ACAD10: variants seen among roughly 807,000 people sequenced by gnomAD.
The protein encoded by ACAD10 is ACAD-10.
Under a neutral mutation model 116.8 loss-of-function variants are expected in ACAD10, and 112 were observed. That is an observed-to-expected ratio of 0.96 (90% confidence interval 0.82 to 1.12). The LOEUF (loss-of-function observed/expected upper bound fraction) is 1.12, where lower values mean the gene tolerates loss of function less well. ACAD10 is among the 50% of genes most tolerant of loss of function. ACAD10 has a pLI of 0.00. For missense variants in ACAD10, 1,259 were observed against 1,350.2 expected (o/e 0.93, Z 1.06); for synonymous variants, 486 against 510.6 (o/e 0.95, Z 0.65).
At chr12:111,715,694 T>C in intron 6 of ACAD10, 127 bp from the exon 7 acceptor site, 2 of 1,318,436 alleles carry the variant, frequency 1.5e-6, no homozygotes, top group South Asian at 1.4e-5. Context: ...AGAGGTACTT[T>C]TCTTGCACTG....
chr12:111,743,744 A>G (rs943782068), intron 12 of ACAD10, among the ~76,000 whole-genome samples: 1 of 151,772 alleles, frequency 6.6e-6, no homozygotes, highest in Non-Finnish European at 1.5e-5. Flanking sequence ...CAATTTTTTT[A>G]TTTTTATTTA....
chr12:111,688,898 T>C (rs2135939326), intron 1 of ACAD10, among the ~76,000 whole-genome samples: 1 of 150,680 alleles, frequency 6.6e-6, no homozygotes, highest in East Asian at 2.0e-4. Context: ...ATCCCTAGAT[T>C]GCTTATAATA....
chr12:111,692,944 G>A (rs765846557), intron 2 of ACAD10, 48 bp downstream of exon 2: 1 of 1,591,218 alleles, frequency 6.3e-7, no homozygotes, highest in East Asian at 2.2e-5. Flanking sequence ...GTGGTGGTGG[G>A]AGAATGGAGG....
intron 14 of ACAD10, 104 bp downstream of exon 14, chr12:111,746,388 G>GA: frequency 8.1e-7 from 1 of 1,239,438 alleles, no homozygotes; most frequent in Non-Finnish European, 1.1e-6. Context: ...GCATGAACTT[G>GA]AACTTTTTTT....
intron 7 of ACAD10, among the ~76,000 whole-genome samples, chr12:111,720,318 G>A (rs1427389681): frequency 6.6e-6 from 1 of 152,100 alleles, no homozygotes; most frequent in Non-Finnish European, 1.5e-5. Flanking sequence ...GTTGGTAGTG[G>A]GTTCAGATGT....
intron 7 of ACAD10, among the ~76,000 whole-genome samples, chr12:111,716,538 A>G (rs1420185769): frequency 6.6e-6 from 1 of 152,214 alleles, no homozygotes; most frequent in Non-Finnish European, 1.5e-5. Flanking sequence ...ATGTATTAAT[A>G]TGCTCACCAT....
intron 3 of ACAD10, among the ~76,000 whole-genome samples, chr12:111,703,924 T>A (rs897692940): frequency 8.7e-5 from 13 of 149,914 alleles, no homozygotes; most frequent in East Asian, 5.8e-4. Context: ...TATATATATA[T>A]AAACATATAT....
Position 111,732,807 on chromosome 12 carries a change from C to T in ACAD10, c.1395-1116C>T, listed in dbSNP as rs554481485. The stretch of plus-strand genomic sequence containing the variant: ...ACAGTGAGGGGTCAGTCTGACAGGG[C>T]AAGCATGTGCTGTGGTTATTGCTAC... On this transcript the variant is annotated intron_variant, in intron 10 of 20. Coordinates refer to ENST00000313698, the MANE Select transcript of ACAD10 (RefSeq NM_025247.6). Among the ~76,000 whole-genome samples the T allele has an allele frequency of 2.0e-5, 3 of 152,324 alleles. No individual in the cohort carries two copies. The South Asian group carries it at 6.2e-4, about 32-fold the overall frequency.
intron 3 of ACAD10, among the ~76,000 whole-genome samples, chr12:111,703,517 C>T (rs952721030): frequency 3.3e-5 from 5 of 152,030 alleles, no homozygotes; most frequent in Non-Finnish European, 5.9e-5. Context: ...CACGACAACA[C>T]GACTGTACTT....
intron 3 of ACAD10, 141 bp downstream of exon 3, chr12:111,702,451 C>T: frequency 1.6e-6 from 2 of 1,226,116 alleles, no homozygotes; most frequent in Non-Finnish European, 1.1e-6. Context: ...ATTTCTTAGG[C>T]CAGGCGCAGT....
At chr12:111,747,556 A>C in intron 16 of ACAD10, 171 bp downstream of exon 16, 1 of 1,448,352 alleles carries the variant, frequency 6.9e-7, no homozygotes, top group Non-Finnish European at 9.1e-7. Flanking sequence ...TAATCCGTGG[A>C]GCACACTGTT....
At chr12:111,744,527 C>A in intron 12 of ACAD10, 116 bp from the exon 13 acceptor site, 1 of 1,306,150 alleles carries the variant, frequency 7.7e-7, no homozygotes, top group Non-Finnish European at 1.1e-6. Flanking sequence ...GTGTTTGGTA[C>A]TTAGCAAGTG....
At position 111,705,847 on chromosome 12, in the gene ACAD10, G is replaced by C; in HGVS notation, c.446G>C (p.Gly149Ala). ...TEAITQIRAK[G>A]LQTAVLSNNF... is the part of the protein sequence containing the mutation. The stretch of plus-strand genomic sequence containing the variant: ...GCCATAACTCAAATTCGGGCAAAAG[G>C]TCTTCAGACTGCAGTCTTGAGCAAT... Residue 149 changes from glycine to alanine, a missense_variant, in exon 4 of 21, where the codon GGT becomes GCT. Coordinates refer to ENST00000313698, the MANE Select transcript of ACAD10 (RefSeq NM_025247.6). 1 of 1,614,168 alleles carries C rather than the reference G, an allele frequency of 6.2e-7. No individual in the cohort carries two copies. Among genetic ancestry groups the C allele is most frequent in the Non-Finnish European group, 8.5e-7 (1 of 1,180,032 alleles).
intron 12 of ACAD10, among the ~76,000 whole-genome samples, chr12:111,743,674 C>A (rs184534295): frequency 5.9e-5 from 9 of 151,808 alleles, no homozygotes; most frequent in Admixed American, 5.3e-4. Context: ...AGTTACCCAA[C>A]TATGGATTTG....
intron 8 of ACAD10, among the ~76,000 whole-genome samples, chr12:111,727,274 C>T (rs1274493347): frequency 1.3e-5 from 2 of 151,068 alleles, no homozygotes; most frequent in Non-Finnish European, 2.9e-5. Context: ...CCTATAATCC[C>T]ACCACTTTGG....
intron 4 of ACAD10, among the ~76,000 whole-genome samples, chr12:111,706,404 G>A (rs61309518): frequency 0.015 from 2,356 of 152,190 alleles, 72 homozygotes; most frequent in African/African-American, 0.053. Context: ...TAAACCTATC[G>A]TTTTGACATG....
chr12:111,709,415 A>C, intron 4 of ACAD10, 111 bp from the exon 5 acceptor site: 2 of 886,544 alleles, frequency 2.3e-6, no homozygotes, highest in Non-Finnish European at 3.3e-6. Context: ...TACTTGTTAT[A>C]ATAAATCTCA....
chr12:111,752,144 G>GAGCCTGGGAGGTCGAGGCTGCAGC (rs1254002787), intron 18 of ACAD10, among the ~76,000 whole-genome samples: 3 of 151,724 alleles, frequency 2.0e-5, no homozygotes, highest in Non-Finnish European at 4.4e-5. Flanking sequence ...AGGATCTCCT[G>GAGCCTGGGAGGTCGAGGCTGCAGC]AGCCTGGGAG....
At chr12:111,724,622 GCGAAACCCCGTCT>G (rs998312696) in intron 8 of ACAD10, among the ~76,000 whole-genome samples, 2 of 152,214 alleles carry the variant, frequency 1.3e-5, no homozygotes, top group African/African-American at 4.8e-5. Flanking sequence ...GGCCAACACA[GCGAAACCCCGTCT>G]CCACCAAAAC....
Sources: gnomAD v4.1 joint callset for allele counts (sites outside exome capture counted in the v4.1 genomes callset) on GRCh38, gnomAD v4.1.1 for gene constraint, MANE v1.5 for transcripts, NCBI Gene and HGNC (gene_info 2026-07-23, HGNC 2026-07-21) for gene names.